Variants in ARHGAP32 observed in about 807,000 individuals in gnomAD.
ARHGAP32 encodes rho GTPase-activating protein 32.
A neutral mutation model predicts 186.5 loss-of-function variants in ARHGAP32; 51 were observed. The observed-to-expected ratio is 0.27, with a 90% CI of 0.22 to 0.35. ARHGAP32 has a LOEUF of 0.35. Among genes scored for constraint, ARHGAP32 ranks in the 10% least tolerant of loss-of-function variants. The probability of loss-of-function intolerance (pLI) is 1.00; values close to 1 mark genes in which losing one functional copy is unlikely to be tolerated. For synonymous variants in ARHGAP32, 950 were observed against 964.3 expected (o/e 0.99, Z 0.27); for missense variants, 2,186 against 2,623.5 (o/e 0.83, Z 3.64).
intron 2 of ARHGAP32, among the ~76,000 whole-genome samples, chr11:129,134,937 T>C (rs920165175): frequency 1.3e-5 from 2 of 152,218 alleles, no homozygotes; most frequent in Non-Finnish European, 2.9e-5. Flanking sequence ...CTATGAGCAA[T>C]AAATTTCTAT....
intron 11 of ARHGAP32, among the ~76,000 whole-genome samples, chr11:129,020,633 C>T (rs1938552066): frequency 6.6e-6 from 1 of 152,030 alleles, no homozygotes; most frequent in Admixed American, 6.6e-5. Flanking sequence ...TCTGTATGTT[C>T]TGAACTTCTG....
chr11:129,177,581 T>A (rs796698201), intron 1 of ARHGAP32, among the ~76,000 whole-genome samples: 1 of 152,094 alleles, frequency 6.6e-6, no homozygotes, highest in Non-Finnish European at 1.5e-5. Flanking sequence ...TCAAAAAGCT[T>A]ATCCACCATG....
At chr11:129,250,166 A>G (rs546644409) in intron 1 of ARHGAP32, among the ~76,000 whole-genome samples, 3 of 152,112 alleles carry the variant, frequency 2.0e-5, no homozygotes, top group Non-Finnish European at 2.9e-5. Flanking sequence ...GCAATGAGCT[A>G]TGATCACACC....
chr11:129,026,870 A>G (rs1237278852), intron 11 of ARHGAP32, among the ~76,000 whole-genome samples: 2 of 149,478 alleles, frequency 1.3e-5, no homozygotes, highest in Non-Finnish European at 3.0e-5. Context: ...GAGGCTGAGG[A>G]GGGCAGATCA....
intron 2 of ARHGAP32, among the ~76,000 whole-genome samples, chr11:129,150,471 C>T (rs905822742): frequency 6.6e-6 from 1 of 152,118 alleles, no homozygotes; most frequent in Non-Finnish European, 1.5e-5. Flanking sequence ...GAGATAAAAG[C>T]ATCAAATAAG....
At chr11:129,193,612 T>TATATATTATATATAATATATA (rs1391520639), upstream of ARHGAP32, among the ~76,000 whole-genome samples, 1 of 79,800 alleles carries the variant, frequency 1.3e-5, no homozygotes, top group Non-Finnish European at 2.3e-5. Flanking sequence ...TAATATATAA[T>TATATATTATATATAATATATA]ATATGTTATA....
chr11:129,238,545 T>C (rs373755081), intron 1 of ARHGAP32, among the ~76,000 whole-genome samples: 2 of 152,136 alleles, frequency 1.3e-5, no homozygotes, highest in East Asian at 1.9e-4. Flanking sequence ...AGATTATTCT[T>C]ACATGCATGA....
intron 1 of ARHGAP32, among the ~76,000 whole-genome samples, chr11:129,184,342 C>G (rs1433875194): frequency 6.6e-6 from 1 of 151,994 alleles, no homozygotes; most frequent in African/African-American, 2.4e-5. Context: ...AGGTTCTGAA[C>G]AGTCAGAATA....
In ARHGAP32 at chr11:129,057,701, T is replaced by TAAA. The variant is rs34991638; in HGVS notation, c.963+4576_963+4578dup. 3.8e-5 allele frequency among the ~76,000 whole-genome samples: 5 copies of TAAA among 130,218 alleles called. No homozygotes were observed. The South Asian group carries it at 1.0e-3, about 26-fold the overall frequency. 85.4% of individuals were successfully genotyped at this position (130,218 alleles called of 152,430 possible). A position where few individuals can be genotyped will look rare whatever the true frequency, so the allele number is the denominator to read the frequency against. Reference sequence around the variant, plus strand: ...ATACTGTATTTTCAATAGCGTTTGATAAAAAAAAAAAAAAAAAAATCTGTG... The same window carrying TAAA: ...ATACTGTATTTTCAATAGCGTTTGATAAAAAAAAAAAAAAAAAAAAAATCTGTG... On this transcript the variant is annotated intron_variant, in intron 10 of 22. Coordinates refer to ENST00000682385, the MANE Select transcript of ARHGAP32 (RefSeq NM_001378024.1).
chr11:129,204,359 G>C (rs1157352566), intron 1 of ARHGAP32, among the ~76,000 whole-genome samples: 2 of 152,088 alleles, frequency 1.3e-5, no homozygotes, highest in Non-Finnish European at 2.9e-5. Context: ...CGCCCTCAGT[G>C]ACAAGTCTGG....
At chr11:129,222,798 G>A (rs986690408) in intron 1 of ARHGAP32, among the ~76,000 whole-genome samples, 1 of 152,262 alleles carries the variant, frequency 6.6e-6, no homozygotes, top group South Asian at 2.1e-4. Context: ...AACTTTTAAT[G>A]TAAAAAGATA....
chr11:129,086,569 C>G (rs1941402390), intron 6 of ARHGAP32, among the ~76,000 whole-genome samples: 1 of 152,082 alleles, frequency 6.6e-6, no homozygotes, highest in Admixed American at 6.5e-5. Flanking sequence ...CGCCTGTAAT[C>G]CCAGCACTTT....
intron 1 of ARHGAP32, among the ~76,000 whole-genome samples, chr11:129,207,611 C>A (rs966884836): frequency 4.6e-5 from 7 of 151,204 alleles, no homozygotes; most frequent in East Asian, 1.9e-4. Context: ...TGTTTAATTT[C>A]TTTGTAGATT....
chr11:129,061,413 C>G (rs910560651), intron 10 of ARHGAP32, among the ~76,000 whole-genome samples: 2 of 152,240 alleles, frequency 1.3e-5, no homozygotes, highest in Admixed American at 1.3e-4. Flanking sequence ...ACAGATAGTA[C>G]CAAACCCTAG....
intron 1 of ARHGAP32, among the ~76,000 whole-genome samples, chr11:129,203,728 A>AAG (rs1555112657): frequency 6.7e-6 from 1 of 149,120 alleles, no homozygotes. Flanking sequence ...CAAAAAAAAA[A>AAG]AAAAAAAGAA....
At chr11:129,172,374 G>A (rs775375067) in intron 1 of ARHGAP32, among the ~76,000 whole-genome samples, 23 of 152,058 alleles carry the variant, frequency 1.5e-4, no homozygotes, top group Non-Finnish European at 2.6e-4. Context: ...AGTTTTTAAC[G>A]TGAAGGGATG....
Position 128,970,816 on chromosome 11 carries a change from T to C in ARHGAP32, c.4397A>G (p.Asp1466Gly). The change falls in exon 23 of 23, where the codon GAC (aspartate) becomes GGC (glycine). Residue 1466 changes from aspartate (D) to glycine (G), a missense_variant. Coordinates refer to ENST00000682385, the MANE Select transcript of ARHGAP32 (RefSeq NM_001378024.1). This position sits in a 1 kb window ranked among gnomAD's most constrained non-coding sequence, Gnocchi z 5.8. ...SFVTASSTSV[D>G]DALPLPLPVP... ...AGGAAGTGGTAAAGGCAATGCATCG[T>C]CCACAGAGGTGGATGAAGCAGTGAC... 1 of 1,614,192 alleles carries C rather than the reference T, an allele frequency of 6.2e-7. No individual in the cohort carries two copies. The highest frequency in any genetic ancestry group is 8.5e-7 in the Non-Finnish European group (1 of 1,180,024).
chr11:129,129,548 T>C (rs976613010), intron 2 of ARHGAP32, among the ~76,000 whole-genome samples: 3 of 152,224 alleles, frequency 2.0e-5, no homozygotes, highest in African/African-American at 4.8e-5. Context: ...CAACAGCTCA[T>C]TGAGAACGGG....
chr11:129,081,509 C>A (rs994164801), intron 6 of ARHGAP32, among the ~76,000 whole-genome samples: 1 of 151,848 alleles, frequency 6.6e-6, no homozygotes, highest in African/African-American at 2.4e-5. Flanking sequence ...ACAAAAGTCA[C>A]ACAATCATCT....
Sources: gnomAD v4.1 joint callset for allele counts (sites outside exome capture counted in the v4.1 genomes callset) on GRCh38, gnomAD v4.1.1 for gene constraint, Gnocchi (gnomAD v3.1) non-coding constraint, MANE v1.5 for transcripts, NCBI Gene and HGNC (gene_info 2026-07-23, HGNC 2026-07-21) for gene names.